The following SEMA5A variants were observed in gnomAD, a reference collection of about 807,000 sequenced individuals.
The protein encoded by SEMA5A is semaphorin-5A.
SEMA5A carries 55 observed loss-of-function variants against 135.5 expected under a neutral mutation model. The observed-to-expected ratio is 0.41, with a 90% CI of 0.33 to 0.51. The LOEUF (loss-of-function observed/expected upper bound fraction) is 0.51. Ranked by LOEUF, SEMA5A falls within the 20% of genes least tolerant of loss-of-function variation. The pLI, the probability that SEMA5A is intolerant of heterozygous loss-of-function variation, is 0.37. For synonymous variants in SEMA5A, 580 were observed against 546.5 expected (o/e 1.06, Z -0.85); for missense variants, 1,290 against 1,419.9 (o/e 0.91, Z 1.47).
chr5:9,541,932 C>T (rs1471951473), intron 1 of SEMA5A, among the ~76,000 whole-genome samples: 2 of 152,306 alleles, frequency 1.3e-5, no homozygotes, highest in East Asian at 1.9e-4. Flanking sequence ...TACCTATTAT[C>T]CAATACCTTC....
chr5:9,434,551 T>C (rs1472789531), intron 2 of SEMA5A, among the ~76,000 whole-genome samples: 1 of 152,076 alleles, frequency 6.6e-6, no homozygotes, highest in Non-Finnish European at 1.5e-5. Context: ...TATATTAATA[T>C]ATATTCTAGG....
chr5:9,244,620 C>T (rs999497897), intron 5 of SEMA5A, among the ~76,000 whole-genome samples: 2 of 152,226 alleles, frequency 1.3e-5, no homozygotes, highest in African/African-American at 4.8e-5. Context: ...CTGCTTGGTA[C>T]ACGTCTGTAT....
At chr5:9,265,671 A>G (rs1008792541) in intron 5 of SEMA5A, 11 of 406,902 alleles carry the variant, frequency 2.7e-5, no homozygotes, top group Non-Finnish European at 3.5e-5. Flanking sequence ...ACAAAAGGAA[A>G]TTAAAACAAG....
intron 2 of SEMA5A, among the ~76,000 whole-genome samples, chr5:9,405,586 C>A (rs1756844310): frequency 6.6e-6 from 1 of 152,118 alleles, no homozygotes; most frequent in African/African-American, 2.4e-5. Flanking sequence ...ACTTCAGCCC[C>A]ATGAGGTGCT....
chr5:9,423,819 C>T (rs1757554210), intron 2 of SEMA5A, among the ~76,000 whole-genome samples: 1 of 152,178 alleles, frequency 6.6e-6, no homozygotes, highest in African/African-American at 2.4e-5. Context: ...AAGAGCCTCT[C>T]GCCCAACACA....
chr5:9,272,558 C>T (rs778083537), intron 5 of SEMA5A, among the ~76,000 whole-genome samples: 2 of 152,108 alleles, frequency 1.3e-5, no homozygotes, highest in South Asian at 2.1e-4. Context: ...CCCGGTGTAT[C>T]GTGAATGTGA....
chr5:9,186,969 T>C (rs1269590782), intron 11 of SEMA5A, among the ~76,000 whole-genome samples: 1 of 152,200 alleles, frequency 6.6e-6, no homozygotes, highest in African/African-American at 2.4e-5. Context: ...TCCCTCCCGC[T>C]TCTATATCAG....
chr5:9,304,890 CTTGT>C (rs1384718378), intron 5 of SEMA5A, among the ~76,000 whole-genome samples: 3 of 152,140 alleles, frequency 2.0e-5, no homozygotes, highest in African/African-American at 7.2e-5. Context: ...ATAATTGTCT[CTTGT>C]TTTTCTATGT....
intron 1 of SEMA5A, among the ~76,000 whole-genome samples, chr5:9,489,215 T>A (rs1045165386): frequency 1.1e-4 from 16 of 151,496 alleles, no homozygotes; most frequent in African/African-American, 3.9e-4. Flanking sequence ...GTTCCTTTAC[T>A]TCTAATGAAA....
chr5:9,474,826 C>G (rs900427623), intron 1 of SEMA5A, among the ~76,000 whole-genome samples: 1 of 152,230 alleles, frequency 6.6e-6, no homozygotes, highest in African/African-American at 2.4e-5. Flanking sequence ...CCAGCCAACC[C>G]TCAAGGGACA....
rs559606339 is a variant in SEMA5A at position 9,118,912 on chromosome 5, C to A, written c.1925+86G>T. On this transcript the variant is annotated intron_variant, in intron 15 of 22. Transcript: ENST00000382496. ...TGCCACACATAAGCTTAGGCAGATC[C>A]AAAACTAAAACCGCGGGGAACTCGA... is the stretch of plus-strand genomic sequence containing the variant. 3.3e-6 allele frequency: 5 copies of A among 1,524,436 alleles called. No individual in the cohort carries two copies. In the East Asian group the frequency reaches 6.9e-5, roughly 21 times the overall value. The allele number at this position is 1,524,436 out of a possible 1,614,324, so 94.4% of individuals were successfully genotyped here.
chr5:9,178,413 A>G (rs1168945666), intron 11 of SEMA5A, among the ~76,000 whole-genome samples: 1 of 145,450 alleles, frequency 6.9e-6, no homozygotes, highest in South Asian at 2.2e-4. Context: ...GGTCACTGCA[A>G]CTCCATCTCC....
At chr5:9,157,300 A>C (rs1806101) in intron 11 of SEMA5A, among the ~76,000 whole-genome samples, 83,808 of 151,986 alleles carry the variant, frequency 0.55, 25,836 homozygotes, top group Middle Eastern at 0.77. Context: ...TGATTACCCT[A>C]GGGTCTGTCT....
chr5:9,358,068 A>T (rs1754530513), intron 3 of SEMA5A, among the ~76,000 whole-genome samples: 1 of 152,130 alleles, frequency 6.6e-6, no homozygotes, highest in African/African-American at 2.4e-5. Flanking sequence ...ATATGTTCAG[A>T]GTCCTGTTGC....
At chr5:9,202,373 A>C in intron 8 of SEMA5A, 133 bp from the exon 9 acceptor site, 11 of 736,782 alleles carry the variant, frequency 1.5e-5, no homozygotes, top group South Asian at 9.7e-5. Flanking sequence ...GACTATTGGG[A>C]GGCCCCGTGA....
At chr5:9,308,680 G>T (rs894314025) in intron 5 of SEMA5A, among the ~76,000 whole-genome samples, 2 of 152,094 alleles carry the variant, frequency 1.3e-5, no homozygotes, top group African/African-American at 4.8e-5. Flanking sequence ...CAGTACAAAT[G>T]AGTACAATAA....
intron 8 of SEMA5A, among the ~76,000 whole-genome samples, chr5:9,223,986 G>C (rs948106402): frequency 3.9e-5 from 6 of 152,120 alleles, no homozygotes; most frequent in Non-Finnish European, 7.3e-5. Context: ...ATGAAAAGGG[G>C]AGAGGGATGT....
intron 9 of SEMA5A, among the ~76,000 whole-genome samples, chr5:9,200,322 G>T (rs772039624): frequency 5.3e-5 from 8 of 152,186 alleles, no homozygotes; most frequent in Non-Finnish European, 1.0e-4. Flanking sequence ...ACACCATCTT[G>T]CAATATTCCA....
At chr5:9,083,321 G>T (rs1738492365) in intron 16 of SEMA5A, among the ~76,000 whole-genome samples, 1 of 151,820 alleles carries the variant, frequency 6.6e-6, no homozygotes, top group East Asian at 1.9e-4. Flanking sequence ...TTCTTTTATT[G>T]GCCAATTTAC....
Sources: allele counts gnomAD v4.1 joint callset (sites outside exome capture counted in the v4.1 genomes callset), GRCh38; gene constraint gnomAD v4.1.1; transcripts MANE v1.5; gene names NCBI Gene and HGNC (gene_info 2026-07-23, HGNC 2026-07-21).